Variants in PLEKHO2 observed in about 807,000 individuals in gnomAD.
PLEKHO2 encodes pleckstrin homology domain containing O2.
A neutral mutation model predicts 32.7 loss-of-function variants in PLEKHO2; 20 were observed. The observed-to-expected ratio is 0.61, with a 90% confidence interval of 0.43 to 0.89. The LOEUF is 0.89. PLEKHO2 is among the 40% of genes least tolerant of loss of function. The probability of loss-of-function intolerance (pLI) is 0.00; values close to 1 mark genes in which losing one functional copy is unlikely to be tolerated. For missense variants in PLEKHO2, 568 were observed against 621.2 expected (o/e 0.91, Z 0.91); for synonymous variants, 247 against 246.3 (o/e 1.00, Z -0.03).
rs1168222407 is a variant in PLEKHO2, at chr15:64,848,574, A to G, written c.13-19A>G. 1.9e-6 allele frequency: 3 copies of G among 1,614,012 alleles called. No homozygotes were observed. The Admixed American group carries it at 5.0e-5, about 27-fold the overall frequency. On this transcript the variant is annotated intron_variant, in intron 1 of 5. Transcript: ENST00000323544. ...CCATGGTAGCAACCCTCATGGTATG[A>G]ACTGGTGCTGTGTTACAGGGTGTGA...
intron 1 of PLEKHO2, among the ~76,000 whole-genome samples, chr15:64,848,079 C>T (rs1030299146): frequency 3.3e-5 from 5 of 152,334 alleles, no homozygotes; most frequent in Non-Finnish European, 4.4e-5. Flanking sequence ...TATTTTCCCG[C>T]ACTGTGAGCT....
chr15:64,859,262 A>G (rs1595831559), intron 3 of PLEKHO2, among the ~76,000 whole-genome samples: 2 of 152,332 alleles, frequency 1.3e-5, no homozygotes, highest in African/African-American at 4.8e-5. Context: ...CATTTTAAAA[A>G]TGATCTTCAT....
chr15:64,847,153 G>A (rs1203912407), intron 1 of PLEKHO2, among the ~76,000 whole-genome samples: 1 of 152,130 alleles, frequency 6.6e-6, no homozygotes, highest in African/African-American at 2.4e-5. Context: ...GGGGGTGGGG[G>A]CCCACAGTGA....
rs1371123184 is a variant in PLEKHO2, at chr15:64,854,134, TG to T, written c.163-785del. On this transcript the variant is annotated intron_variant, in intron 2 of 5. Coordinates refer to ENST00000323544, the MANE Select transcript of PLEKHO2 (RefSeq NM_025201.5). ...GAGGAGCTTTTCCCAGGCAGCTTGC[TG>T]GACAGGCACCTGATGGGTGGAGCCT... 2.0e-5 allele frequency among the ~76,000 whole-genome samples: 3 copies of T among 152,328 alleles called. No homozygotes were observed. The East Asian group carries it at 5.8e-4, about 29-fold the overall frequency.
At chr15:64,859,797 G>T in intron 3 of PLEKHO2, 97 bp from the exon 4 acceptor site, 1 of 958,186 alleles carries the variant, frequency 1.0e-6, no homozygotes, top group Non-Finnish European at 1.7e-6. Context: ...GGGTCATTTT[G>T]GTTTGACTTT....
rs946156528 is a variant in PLEKHO2, at chr15:64,866,006, C to T, written c.*118C>T. ...CAATGGCTGCAGGAGGGCCATTGGGCATGTCAGGGTTTGGCCATGACCCGA... is the reference window on the plus strand; with the variant it reads ...CAATGGCTGCAGGAGGGCCATTGGGTATGTCAGGGTTTGGCCATGACCCGA... On this transcript the variant is annotated 3_prime_UTR_variant, in exon 6 of 6. Transcript: ENST00000323544. The T allele has an allele frequency of 2.1e-5, 27 of 1,313,954 alleles. No individual in the cohort carries two copies. Among genetic ancestry groups the T allele is most frequent in the Non-Finnish European group, 2.8e-5 (27 of 979,488 alleles). The allele number at this position is 1,313,954 out of a possible 1,614,324, so 81.4% of individuals were successfully genotyped here. A position where few individuals can be genotyped will look rare whatever the true frequency, so the allele number is the denominator to read the frequency against.
rs187299584 is a variant in PLEKHO2, at chr15:64,854,510, C to T, written c.163-411C>T. Among the ~76,000 whole-genome samples the T allele has an allele frequency of 2.7e-3, 410 of 152,296 alleles. 4 individuals carry two copies. Among genetic ancestry groups the T allele is most frequent in the African/African-American group, 9.6e-3 (398 of 41,568 alleles). ...CTCTTCCTGGAAAGTCGTTGTCCCC[C>T]GTCCCCATCCCACTCCCTGCCTGCC... On this transcript the variant is annotated intron_variant, in intron 2 of 5. Transcript: ENST00000323544.
intron 2 of PLEKHO2, among the ~76,000 whole-genome samples, chr15:64,851,363 AACTGCC>A (rs983369823): frequency 6.6e-6 from 1 of 152,180 alleles, no homozygotes; most frequent in African/African-American, 2.4e-5. Context: ...ACTTGTCCTA[AACTGCC>A]TCTCTGCATC....
intron 5 of PLEKHO2, among the ~76,000 whole-genome samples, chr15:64,862,346 T>C (rs565131464): frequency 1.4e-4 from 21 of 151,060 alleles, no homozygotes; most frequent in African/African-American, 5.1e-4. Flanking sequence ...GAGGGGTTGA[T>C]GGGAGGATGT....
chr15:64,863,693 C>T (rs1229615593), intron 5 of PLEKHO2, among the ~76,000 whole-genome samples: 1 of 151,096 alleles, frequency 6.6e-6, no homozygotes, highest in East Asian at 2.0e-4. Flanking sequence ...CTGGAGGCTG[C>T]AGTGAGCTGT....
At position 64,848,787 on chromosome 15, in the gene PLEKHO2, G is replaced by T; in HGVS notation, c.162+45G>T. On this transcript the variant is annotated intron_variant, in intron 2 of 5. Transcript: ENST00000323544. ...TGAGATTGGGGGTTCTGGGACAGGGGCAAAGTGAGGGCATTCAAGTTAGTA... is the reference window on the plus strand; with the variant it reads ...TGAGATTGGGGGTTCTGGGACAGGGTCAAAGTGAGGGCATTCAAGTTAGTA... 2 of 1,610,436 alleles carry T rather than the reference G, an allele frequency of 1.2e-6. 1 individual carries two copies. The highest frequency in any genetic ancestry group is 2.2e-5 in the South Asian group (2 of 90,898).
At chr15:64,854,194 G>A (rs991032207) in intron 2 of PLEKHO2, among the ~76,000 whole-genome samples, 3 of 152,204 alleles carry the variant, frequency 2.0e-5, no homozygotes, top group African/African-American at 7.2e-5. Context: ...GGAGTGGTGG[G>A]CAGGAAGACA....
chr15:64,865,598 C>G lies in PLEKHO2; in HGVS notation c.1183C>G (p.Leu395Val), dbSNP rs373542493. The change falls in exon 6 of 6, where the codon CTT (leucine) becomes GTT (valine). Residue 395 changes from leucine to valine, a missense_variant. Leu to Val is a conservative substitution (Grantham distance 32). Transcript: ENST00000323544. The stretch of plus-strand genomic sequence containing the variant: ...CCGCTGCTCCTCCCTTGGGGACTTG[C>G]TTGGGGAAGGCCCGCGGCATCCCTT... ...HPRCSSLGDL[L>V]GEGPRHPLQP... The G allele has an allele frequency of 6.2e-7, 1 of 1,614,092 alleles. No homozygotes were observed. Among genetic ancestry groups the G allele is most frequent in the African/African-American group, 1.3e-5 (1 of 74,944 alleles).
intron 2 of PLEKHO2, among the ~76,000 whole-genome samples, chr15:64,853,516 G>A (rs913619105): frequency 3.9e-5 from 6 of 151,918 alleles, no homozygotes; most frequent in Middle Eastern, 3.4e-3. Context: ...GTATGGTCTC[G>A]ATCTCCTGAA....
Position 64,865,125 on chromosome 15 carries a change from G to T in PLEKHO2, c.710G>T (p.Ser237Ile), listed in dbSNP as rs2084672190. 6.2e-7 allele frequency: 1 copy of T among 1,613,988 alleles called. No individual in the cohort carries two copies. Among genetic ancestry groups the T allele is most frequent in the Non-Finnish European group, 8.5e-7 (1 of 1,180,004 alleles). The change falls in exon 6 of 6, where the codon AGC becomes ATC. Residue 237 changes from serine to isoleucine, a missense_variant. Physicochemically the swap from Ser to Ile is moderately radical, Grantham distance 142 (BLOSUM62 -2). Coordinates refer to ENST00000323544, the MANE Select transcript of PLEKHO2 (RefSeq NM_025201.5). The part of the protein sequence containing the change: ...GERAPTPVSA[S>I]SEVSPESQED... ...AGAGCCCCAACCCCTGTCTCAGCAA[G>T]CTCTGAGGTCTCCCCTGAGAGCCAA... is the stretch of plus-strand genomic sequence containing the variant.
At chr15:64,851,594 A>G (rs962086378) in intron 2 of PLEKHO2, among the ~76,000 whole-genome samples, 1 of 152,200 alleles carries the variant, frequency 6.6e-6, no homozygotes, top group African/African-American at 2.4e-5. Flanking sequence ...GAACTAGGCG[A>G]ATGCGAATGG....
At chr15:64,849,585 A>G (rs2084550796) in intron 2 of PLEKHO2, among the ~76,000 whole-genome samples, 1 of 151,512 alleles carries the variant, frequency 6.6e-6, no homozygotes. Context: ...CTGGGATCAC[A>G]TGCGTCAGCT....
At chr15:64,851,218 A>G (rs2084565990) in intron 2 of PLEKHO2, among the ~76,000 whole-genome samples, 1 of 152,188 alleles carries the variant, frequency 6.6e-6, no homozygotes, top group Non-Finnish European at 1.5e-5. Context: ...CCAAAATAGG[A>G]TGTGCCACAG....
In PLEKHO2 at chr15:64,864,907, T is replaced by C. The variant is rs1328149412; in HGVS notation, c.492T>C (p.Ser164=). The stretch of plus-strand genomic sequence containing the variant: ...ACCATCCCCCCCACCAGGTGGCCAG[T>C]GCAGCTTCTGACGGTCTTCTGCGCC... ...PTRVHLKEVA[S]AASDGLLRLD... The change falls in exon 6 of 6, where the codon AGT becomes AGC. Residue 164 remains serine (S), a synonymous_variant. Coordinates refer to ENST00000323544, the MANE Select transcript of PLEKHO2 (RefSeq NM_025201.5). The C allele has an allele frequency of 6.2e-7, 1 of 1,602,710 alleles. No homozygotes were observed. Among genetic ancestry groups the C allele is most frequent in the Non-Finnish European group, 8.5e-7 (1 of 1,173,322 alleles).
Sources: allele counts gnomAD v4.1 joint callset (sites outside exome capture counted in the v4.1 genomes callset), GRCh38; gene constraint gnomAD v4.1.1; transcripts MANE v1.5; gene names NCBI Gene and HGNC (gene_info 2026-07-23, HGNC 2026-07-21).